The following YPEL2 variants were observed in gnomAD, a reference collection of about 807,000 sequenced individuals.
YPEL2 encodes yippee like 2, also known as protein yippee-like 2.
In YPEL2, 2 loss-of-function variants were observed where a neutral mutation model predicts 19.1. That is an observed-to-expected ratio of 0.10 (90% CI 0.04 to 0.33). The LOEUF (loss-of-function observed/expected upper bound fraction) is 0.33. Among genes scored for constraint, YPEL2 ranks in the 10% least tolerant of loss-of-function variants. YPEL2 has a pLI of 1.00. For synonymous variants in YPEL2, 52 were observed against 50.0 expected, an observed-to-expected ratio of 1.04 and a Z score of -0.17; for missense variants, 66 against 140.7, an observed-to-expected ratio of 0.47 and a Z score of 2.68.
chr17:59,341,527 C>T (rs2047730902), intron 1 of YPEL2, among the ~76,000 whole-genome samples: 1 of 152,026 alleles, frequency 6.6e-6, no homozygotes, highest in Non-Finnish European at 1.5e-5. Flanking sequence ...GGTGTGGTGG[C>T]GGGTGCCTAT....
chr17:59,353,323 T>C lies in YPEL2; in HGVS notation c.-87T>C. The C allele has an allele frequency of 1.0e-6, 1 of 975,190 alleles. No individual in the cohort carries two copies. The highest frequency in any genetic ancestry group is 1.6e-6 in the Non-Finnish European group (1 of 641,888). 60.4% of individuals were successfully genotyped at this position (975,190 alleles called of 1,614,324 possible). ...CCGCTGCCAAACCACGGCCTTTACC[T>C]GTGTCTTCCGGTGTTTCCCGTGCGA... On this transcript the variant is annotated 5_prime_UTR_variant, in exon 2 of 5. Coordinates refer to ENST00000312655, the MANE Select transcript of YPEL2 (RefSeq NM_001005404.4). This position sits in a 1 kb window ranked among gnomAD's most constrained non-coding sequence, Gnocchi z 4.8.
intron 1 of YPEL2, among the ~76,000 whole-genome samples, chr17:59,345,639 C>A (rs956847233): frequency 1.3e-5 from 2 of 152,228 alleles, no homozygotes; most frequent in African/African-American, 4.8e-5. Flanking sequence ...CCACAATGTA[C>A]CTTTAAGTCG....
intron 1 of YPEL2, among the ~76,000 whole-genome samples, chr17:59,349,535 CAG>C (rs2047776738): frequency 2.0e-5 from 3 of 151,784 alleles, no homozygotes; most frequent in South Asian, 4.2e-4. Flanking sequence ...TTAGTGGAAA[CAG>C]GGTTTCACCA....
Position 59,397,858 on chromosome 17 carries a change from G to A in YPEL2, c.*668G>A. On this transcript the variant is annotated 3_prime_UTR_variant, in exon 5 of 5. Coordinates refer to ENST00000312655, the MANE Select transcript of YPEL2 (RefSeq NM_001005404.4). ...CTGGGCTGAGTGGGGGAGTGTCCTG[G>A]CAGCAGCGAGTGACCTGGGCAGTGG... The A allele has an allele frequency of 6.6e-6, 1 of 152,520 alleles. No individual in the cohort carries two copies. The highest frequency in any genetic ancestry group is 1.5e-5 in the Non-Finnish European group (1 of 68,172). The allele number at this position is 152,520 out of a possible 1,614,324, so 9.4% of individuals were successfully genotyped here.
At chr17:59,336,337 A>G (rs2047698609) in intron 1 of YPEL2, among the ~76,000 whole-genome samples, 1 of 152,232 alleles carries the variant, frequency 6.6e-6, no homozygotes, top group Admixed American at 6.5e-5. Flanking sequence ...TGTCATTAAT[A>G]ATAAACAACT....
chr17:59,392,027 CT>C (rs1323798006), intron 4 of YPEL2, among the ~76,000 whole-genome samples: 1 of 152,142 alleles, frequency 6.6e-6, no homozygotes, highest in African/African-American at 2.4e-5. Context: ...TCTATTCCCT[CT>C]GTACAGTCAC....
chr17:59,347,149 G>A (rs1351837704), intron 1 of YPEL2, among the ~76,000 whole-genome samples: 4 of 152,164 alleles, frequency 2.6e-5, no homozygotes, highest in Admixed American at 1.3e-4. Context: ...TACTAACTTA[G>A]TTCATCCTCA....
chr17:59,367,375 C>G (rs1420628736), intron 2 of YPEL2, among the ~76,000 whole-genome samples: 1 of 152,206 alleles, frequency 6.6e-6, no homozygotes, highest in African/African-American at 2.4e-5. Flanking sequence ...TCTTGATTCC[C>G]TGTTTTTTGG....
At chr17:59,349,899 T>TCCGC (rs1348329279) in intron 1 of YPEL2, among the ~76,000 whole-genome samples, 2 of 151,896 alleles carry the variant, frequency 1.3e-5, no homozygotes, top group Non-Finnish European at 2.9e-5. Flanking sequence ...GACCTCGTGA[T>TCCGC]CCGCCCGCCT....
intron 1 of YPEL2, among the ~76,000 whole-genome samples, chr17:59,338,430 A>G (rs1455150661): frequency 2.0e-5 from 3 of 152,238 alleles, no homozygotes; most frequent in Non-Finnish European, 4.4e-5. Flanking sequence ...CATTCTGTTC[A>G]GGAGTACCTG....
intron 2 of YPEL2, among the ~76,000 whole-genome samples, chr17:59,384,831 G>A (rs1224011227): frequency 6.6e-6 from 1 of 152,134 alleles, no homozygotes; most frequent in Non-Finnish European, 1.5e-5. Context: ...ATCTAGGAGT[G>A]AGAAAGAAGT....
At position 59,389,603 on chromosome 17, in the gene YPEL2, C is replaced by T; in HGVS notation, c.270+135C>T. On this transcript the variant is annotated intron_variant, in intron 4 of 4. Coordinates refer to ENST00000312655, the MANE Select transcript of YPEL2 (RefSeq NM_001005404.4). ...GACCAGAATAGTCACCTGTCTACCA[C>T]ACTCATTCTTTCCTTTCTGCTGATA... The T allele has an allele frequency of 7.5e-6, 5 of 665,582 alleles. No individual in the cohort carries two copies. In the South Asian group the frequency reaches 8.9e-5, roughly 12 times the overall value. 41.2% of individuals were successfully genotyped at this position (665,582 alleles called of 1,614,324 possible).
intron 1 of YPEL2, among the ~76,000 whole-genome samples, chr17:59,337,194 T>TA (rs1423169787): frequency 7.1e-6 from 1 of 141,726 alleles, no homozygotes; most frequent in Non-Finnish European, 1.6e-5. Context: ...TTTTTTTTTG[T>TA]TTTTTTTGTT....
At chr17:59,377,107 C>T (rs995878446) in intron 2 of YPEL2, among the ~76,000 whole-genome samples, 7 of 151,944 alleles carry the variant, frequency 4.6e-5, no homozygotes, top group South Asian at 4.1e-4. Context: ...CTTTGGGAGT[C>T]GGTAGGTTTT....
At chr17:59,387,914 G>A (rs938736223) in intron 2 of YPEL2, among the ~76,000 whole-genome samples, 1 of 152,232 alleles carries the variant, frequency 6.6e-6, no homozygotes, top group Non-Finnish European at 1.5e-5. Context: ...GAAGGAGCTT[G>A]TGGTGGTTTC....
intron 1 of YPEL2, among the ~76,000 whole-genome samples, chr17:59,345,769 TG>T (rs2047752768): frequency 6.6e-6 from 1 of 152,062 alleles, no homozygotes; most frequent in Non-Finnish European, 1.5e-5. Context: ...CTGGTAAGGG[TG>T]ACTGTAGCTA....
intron 2 of YPEL2, among the ~76,000 whole-genome samples, chr17:59,357,804 A>G (rs2047820433): frequency 6.6e-6 from 1 of 152,050 alleles, no homozygotes; most frequent in Non-Finnish European, 1.5e-5. Flanking sequence ...CCATTTAGGA[A>G]GGATAAATTG....
At chr17:59,383,040 C>G (rs1332700443) in intron 2 of YPEL2, among the ~76,000 whole-genome samples, 6 of 152,088 alleles carry the variant, frequency 3.9e-5, no homozygotes, top group Admixed American at 3.3e-4. Context: ...GTTCAAACCC[C>G]TCTGAAACTC....
rs2048060176 is a variant in YPEL2 at position 59,399,670 on chromosome 17, G to GAAACCAAAAGTGCTTCTTA, written c.*2481_*2499dup. 1 of 152,612 alleles carries GAAACCAAAAGTGCTTCTTA rather than the reference G, an allele frequency of 6.6e-6. No homozygotes were observed. Among genetic ancestry groups the GAAACCAAAAGTGCTTCTTA allele is most frequent in the Non-Finnish European group, 1.5e-5 (1 of 68,050 alleles). 9.5% of individuals were successfully genotyped at this position (152,612 alleles called of 1,614,324 possible). A position where few individuals can be genotyped will look rare whatever the true frequency, so the allele number is the denominator to read the frequency against. On this transcript the variant is annotated 3_prime_UTR_variant, in exon 5 of 5. Transcript: ENST00000312655. ...CATTAGGCTTTCCCTTTGTGTCAGT[G>GAAACCAAAAGTGCTTCTTA]AAACCAAAAGTGCTTCTTACAACGT... is the stretch of plus-strand genomic sequence containing the variant.
Sources: allele counts gnomAD v4.1 joint callset (sites outside exome capture counted in the v4.1 genomes callset), GRCh38; gene constraint gnomAD v4.1.1; non-coding constraint Gnocchi (gnomAD v3.1); transcripts MANE v1.5; gene names NCBI Gene and HGNC (gene_info 2026-07-23, HGNC 2026-07-21).